The following TMOD2 variants were observed in gnomAD, a reference collection of about 807,000 sequenced individuals.
TMOD2 encodes tropomodulin 2, also known as tropomodulin-2.
A neutral mutation model predicts 39.9 loss-of-function variants in TMOD2; 22 were observed. That is an observed-to-expected ratio of 0.55 (90% CI 0.39 to 0.79). The LOEUF (loss-of-function observed/expected upper bound fraction) is 0.79, where lower values mean the gene tolerates loss of function less well. Among genes scored for constraint, TMOD2 ranks in the 30% least tolerant of loss-of-function variants. The pLI, the probability that TMOD2 is intolerant of heterozygous loss-of-function variation, is 0.00. For synonymous variants in TMOD2, 123 were observed against 146.1 expected, an observed-to-expected ratio of 0.84 and a Z score of 1.14; for missense variants, 386 against 413.3, an observed-to-expected ratio of 0.93 and a Z score of 0.57.
rs1180542709 is a variant in TMOD2, at chr15:51,808,512, C to A, written c.*58C>A. 2.1e-6 allele frequency: 3 copies of A among 1,440,052 alleles called. No homozygotes were observed. The highest frequency in any genetic ancestry group is 2.3e-5 in the East Asian group (1 of 43,082). 89.2% of individuals were successfully genotyped at this position (1,440,052 alleles called of 1,614,324 possible). ...GTATGGCCATTGAAAAACAAAAACTCTTCTTCTTCCCCATCAGGACCATTT... is the reference window on the plus strand; with the variant it reads ...GTATGGCCATTGAAAAACAAAAACTATTCTTCTTCCCCATCAGGACCATTT... On this transcript the variant is annotated 3_prime_UTR_variant, in exon 10 of 10. Transcript: ENST00000249700.
intron 1 of TMOD2, among the ~76,000 whole-genome samples, chr15:51,760,872 T>C (rs1422477079): frequency 6.6e-6 from 1 of 152,184 alleles, no homozygotes; most frequent in Non-Finnish European, 1.5e-5. Flanking sequence ...CCATGTAAAG[T>C]AACATATAGA....
At chr15:51,784,827 A>T (rs941501547) in intron 7 of TMOD2, 1 of 152,204 alleles carries the variant, frequency 6.6e-6, no homozygotes, top group Non-Finnish European at 1.5e-5. Context: ...TAAAGAAATG[A>T]TTTGTCACTT....
chr15:51,788,632 G>C (rs191821334), intron 7 of TMOD2, among the ~76,000 whole-genome samples: 2 of 152,176 alleles, frequency 1.3e-5, no homozygotes, highest in African/African-American at 2.4e-5. Flanking sequence ...AGAAAGGTTG[G>C]GTTAAGCACA....
intron 3 of TMOD2, among the ~76,000 whole-genome samples, chr15:51,771,470 A>G (rs998966734): frequency 4.6e-5 from 7 of 152,192 alleles, no homozygotes; most frequent in Admixed American, 6.5e-5. Context: ...CTGAATACCA[A>G]TAGTTGTGTA....
In TMOD2 at chr15:51,809,187, C is replaced by G. The variant is rs1305234324; in HGVS notation, c.*733C>G. On this transcript the variant is annotated 3_prime_UTR_variant, in exon 10 of 10. Coordinates refer to ENST00000249700, the MANE Select transcript of TMOD2 (RefSeq NM_014548.4). ...AACATAAATTGAATCTTTAACATGA[C>G]TTTAAAGGCTATTTACAAAGCTGTT... is the stretch of plus-strand genomic sequence containing the variant. 1 of 152,584 alleles carries G rather than the reference C, an allele frequency of 6.6e-6. No homozygotes were observed. The highest frequency in any genetic ancestry group is 1.5e-5 in the Non-Finnish European group (1 of 68,016). 9.5% of individuals were successfully genotyped at this position (152,584 alleles called of 1,614,324 possible).
chr15:51,776,757 G>A (rs1364179007), intron 4 of TMOD2, among the ~76,000 whole-genome samples, 175 bp from the exon 5 acceptor site: 2 of 152,176 alleles, frequency 1.3e-5, no homozygotes, highest in African/African-American at 4.8e-5. Flanking sequence ...GGTCTTGAAA[G>A]GAGGTTTTTG....
chr15:51,808,486 G>C lies in TMOD2; in HGVS notation c.*32G>C. The C allele has an allele frequency of 1.3e-6, 2 of 1,591,296 alleles. No homozygotes were observed. Among genetic ancestry groups the C allele is most frequent in the Non-Finnish European group, 1.7e-6 (2 of 1,166,854 alleles). On this transcript the variant is annotated 3_prime_UTR_variant, in exon 10 of 10. Transcript: ENST00000249700. ...TTGAGGAGAAGTGAAGTTTCACTGT[G>C]GTATGGCCATTGAAAAACAAAAACT...
At position 51,810,347 on chromosome 15, in the gene TMOD2, T is replaced by C. The variant is rs1286978941; in HGVS notation, c.*1893T>C. 6.6e-6 allele frequency: 1 copy of C among 152,248 alleles called. No individual in the cohort carries two copies. The highest frequency in any genetic ancestry group is 1.5e-5 in the Non-Finnish European group (1 of 68,040). The allele number at this position is 152,248 out of a possible 1,614,324, so 9.4% of individuals were successfully genotyped here. ...TAACAAATACTGTACTCAAAAATCT[T>C]ACATTTTACTATTTTCTAACCTCTT... On this transcript the variant is annotated 3_prime_UTR_variant, in exon 10 of 10. Coordinates refer to ENST00000249700, the MANE Select transcript of TMOD2 (RefSeq NM_014548.4).
chr15:51,799,722 G>A (rs1239008962), intron 8 of TMOD2, among the ~76,000 whole-genome samples: 1 of 152,176 alleles, frequency 6.6e-6, no homozygotes, highest in Non-Finnish European at 1.5e-5. Flanking sequence ...GTGGCATCAG[G>A]GTGTGGGGGA....
At chr15:51,774,129 C>A (rs907676035) in intron 4 of TMOD2, among the ~76,000 whole-genome samples, 9 of 152,188 alleles carry the variant, frequency 5.9e-5, no homozygotes, top group Non-Finnish European at 1.3e-4. Flanking sequence ...AACAACAGCT[C>A]TTTTGCTTTC....
chr15:51,804,858 C>T (rs2056112009), intron 8 of TMOD2, among the ~76,000 whole-genome samples: 1 of 151,646 alleles, frequency 6.6e-6, no homozygotes, highest in African/African-American at 2.4e-5. Context: ...GGCATGTGAG[C>T]CACTGCGCCT....
At chr15:51,783,980 C>T (rs1361747751) in intron 7 of TMOD2, 6 of 152,128 alleles carry the variant, frequency 3.9e-5, no homozygotes, top group Non-Finnish European at 8.8e-5. Context: ...TAGTAAATGC[C>T]AGCACTGATC....
chr15:51,785,380 C>G lies in TMOD2; in HGVS notation c.732+2552C>G, dbSNP rs915974848. Reference sequence around the variant, plus strand: ...TGAGCAGAGATGGCGCCACTGCACTCCAGCCTGGGCAACAGAGTGAGACTC... The same window carrying G: ...TGAGCAGAGATGGCGCCACTGCACTGCAGCCTGGGCAACAGAGTGAGACTC... On this transcript the variant is annotated intron_variant, in intron 7 of 9. Transcript: ENST00000249700. Among the ~76,000 whole-genome samples, 122 of 139,590 alleles carry G rather than the reference C, an allele frequency of 8.7e-4. 1 individual carries two copies. The highest frequency in any genetic ancestry group is 3.3e-3 in the African/African-American group (121 of 36,996). 91.6% of individuals were successfully genotyped at this position (139,590 alleles called of 152,430 possible).
chr15:51,766,723 A>G (rs1424444180), intron 2 of TMOD2, 156 bp downstream of exon 2: 2 of 740,460 alleles, frequency 2.7e-6, no homozygotes. Flanking sequence ...ACAAATTCAT[A>G]GAGAACCTCA....
intron 7 of TMOD2, among the ~76,000 whole-genome samples, chr15:51,795,229 T>C (rs538827067): frequency 6.6e-6 from 1 of 152,232 alleles, no homozygotes; most frequent in Admixed American, 6.5e-5. Flanking sequence ...GAGACCAGCC[T>C]GGCCAACATG....
At chr15:51,762,678 C>T (rs191619386) in intron 1 of TMOD2, among the ~76,000 whole-genome samples, 1 of 152,196 alleles carries the variant, frequency 6.6e-6, no homozygotes, top group East Asian at 1.9e-4. Context: ...TTCCCCATGC[C>T]CCTATGTCAT....
rs761727498 is a variant in TMOD2, at chr15:51,809,356, T to C, written c.*902T>C. 1 of 152,682 alleles carries C rather than the reference T, an allele frequency of 6.5e-6. No individual in the cohort carries two copies. The highest frequency in any genetic ancestry group is 1.5e-5 in the Non-Finnish European group (1 of 68,048). 9.5% of individuals were successfully genotyped at this position (152,682 alleles called of 1,614,324 possible). Reference sequence around the variant, plus strand: ...GATGATTGCATTTTTTGGCAAATTTTAGAAGCATTTATTGCTTTGTCTTTA... The same window carrying C: ...GATGATTGCATTTTTTGGCAAATTTCAGAAGCATTTATTGCTTTGTCTTTA... On this transcript the variant is annotated 3_prime_UTR_variant, in exon 10 of 10. Transcript: ENST00000249700.
Position 51,798,285 on chromosome 15 carries a change from T to G in TMOD2, c.821T>G (p.Leu274Arg), listed in dbSNP as rs765730429. Reference protein sequence around the residue: ...NFITGTGILALVEALKENDTL... With the variant: ...NFITGTGILARVEALKENDTL... ...ATCACTGGAACTGGGATCCTGGCCC[T>G]GGTAGAGGCACTGAAAGAAAATGAC... is the stretch of plus-strand genomic sequence containing the variant. The change falls in exon 8 of 10, where the codon CTG (leucine) becomes CGG (arginine). Residue 274 changes from leucine to arginine, a missense_variant. Transcript: ENST00000249700. The G allele has an allele frequency of 1.6e-5, 26 of 1,613,852 alleles. No individual in the cohort carries two copies. The highest frequency in any genetic ancestry group is 2.2e-5 in the Non-Finnish European group (26 of 1,179,994).
chr15:51,783,081 T>C, intron 7 of TMOD2: 1 of 462,352 alleles, frequency 2.2e-6, no homozygotes, highest in Non-Finnish European at 3.9e-6. Context: ...TTTAACTAAC[T>C]GAATATTTAG....
Sources: gnomAD v4.1 joint callset for allele counts (sites outside exome capture counted in the v4.1 genomes callset) on GRCh38, gnomAD v4.1.1 for gene constraint, MANE v1.5 for transcripts, NCBI Gene and HGNC (gene_info 2026-07-23, HGNC 2026-07-21) for gene names.